TENM4: variants seen among roughly 807,000 people sequenced by gnomAD.
The protein encoded by TENM4 is teneurin transmembrane protein 4.
Under a neutral mutation model 243.3 loss-of-function variants are expected in TENM4, and 82 were observed. The ratio of observed to expected loss-of-function variants is 0.34; its 90% CI spans 0.28 to 0.40. TENM4 has a LOEUF of 0.40. TENM4 is among the 10% of genes least tolerant of loss of function. TENM4 has a pLI of 1.00. For missense variants in TENM4, 3,138 were observed against 3,673.3 expected (o/e 0.85, Z 3.77); for synonymous variants, 1,412 against 1,456.3 (o/e 0.97, Z 0.69).
At chr11:79,427,246 T>G (rs539467736) in intron 1 of TENM4, among the ~76,000 whole-genome samples, 4 of 152,216 alleles carry the variant, frequency 2.6e-5, no homozygotes, top group South Asian at 4.1e-4. Flanking sequence ...TTTAAAAAGC[T>G]GCATTATCTT....
At chr11:78,786,577 T>A (rs935030595) in intron 16 of TENM4, among the ~76,000 whole-genome samples, 1 of 152,368 alleles carries the variant, frequency 6.6e-6, no homozygotes. Context: ...GAAGTGCTCA[T>A]CTGCCTCATT....
At chr11:78,960,412 TG>T (rs1241220820) in intron 6 of TENM4, among the ~76,000 whole-genome samples, 2 of 152,280 alleles carry the variant, frequency 1.3e-5, no homozygotes, top group Middle Eastern at 3.4e-3. Context: ...GGGTAGGTAA[TG>T]ACCGCCCTTC....
At chr11:79,203,127 A>G (rs778057070) in intron 3 of TENM4, among the ~76,000 whole-genome samples, 8 of 152,228 alleles carry the variant, frequency 5.3e-5, no homozygotes, top group Non-Finnish European at 7.3e-5. Context: ...ATATAATAAC[A>G]AATATTGATG....
intron 1 of TENM4, among the ~76,000 whole-genome samples, chr11:79,309,735 T>C (rs564426664): frequency 2.6e-5 from 4 of 152,282 alleles, no homozygotes; most frequent in Middle Eastern, 3.4e-3. Context: ...ATTTGGAGGA[T>C]AGAGAAACAG....
chr11:79,245,563 G>A (rs1036727229), intron 2 of TENM4, among the ~76,000 whole-genome samples: 1 of 152,114 alleles, frequency 6.6e-6, no homozygotes, highest in African/African-American at 2.4e-5. Flanking sequence ...CAACATTGTG[G>A]CATTTTGAAA....
intron 6 of TENM4, among the ~76,000 whole-genome samples, chr11:79,046,314 G>A (rs1321556992): frequency 1.3e-5 from 2 of 152,136 alleles, no homozygotes; most frequent in African/African-American, 4.8e-5. Flanking sequence ...GGTTTCTTCT[G>A]TTACAGTTCA....
intron 6 of TENM4, among the ~76,000 whole-genome samples, chr11:78,905,063 G>A (rs1856033240): frequency 1.3e-5 from 2 of 152,172 alleles, no homozygotes; most frequent in South Asian, 4.1e-4. Flanking sequence ...TAAAATAGGG[G>A]AAATAGTTTA....
chr11:79,072,677 A>C (rs1860445557), intron 4 of TENM4, among the ~76,000 whole-genome samples: 1 of 152,174 alleles, frequency 6.6e-6, no homozygotes, highest in Non-Finnish European at 1.5e-5. Flanking sequence ...ATAACTCTAA[A>C]TTGATATCAC....
chr11:79,241,061 T>C (rs1864578986), intron 2 of TENM4, among the ~76,000 whole-genome samples: 1 of 152,140 alleles, frequency 6.6e-6, no homozygotes, highest in Non-Finnish European at 1.5e-5. Flanking sequence ...AGTTTTAAAA[T>C]GCTGGCCCCA....
intron 1 of TENM4, among the ~76,000 whole-genome samples, chr11:79,408,486 C>G (rs1858620276): frequency 6.6e-6 from 1 of 152,172 alleles, no homozygotes; most frequent in African/African-American, 2.4e-5. Context: ...GAGAATATCA[C>G]TATTGAATAA....
chr11:78,967,610 T>C (rs1172713868), intron 6 of TENM4, among the ~76,000 whole-genome samples: 1 of 152,146 alleles, frequency 6.6e-6, no homozygotes, highest in African/African-American at 2.4e-5. Flanking sequence ...AGCCTGCTTT[T>C]TGGGTGGGGC....
At chr11:78,859,215 T>C (rs1858755813) in intron 10 of TENM4, among the ~76,000 whole-genome samples, 1 of 152,042 alleles carries the variant, frequency 6.6e-6, no homozygotes, top group African/African-American at 2.4e-5. Flanking sequence ...AAAAAGATCA[T>C]TTGTATGAAT....
intron 2 of TENM4, among the ~76,000 whole-genome samples, chr11:79,246,694 A>T (rs932189338): frequency 6.6e-6 from 1 of 152,206 alleles, no homozygotes; most frequent in African/African-American, 2.4e-5. Context: ...ATTTGTATGA[A>T]AAATGAAAAC....
At position 78,777,657 on chromosome 11, in the gene TENM4, A is replaced by G. The variant is rs573496456; in HGVS notation, c.2392+945T>C. Among the ~76,000 whole-genome samples the G allele has an allele frequency of 5.3e-5, 8 of 152,312 alleles. No individual in the cohort carries two copies. The East Asian group carries it at 1.4e-3, about 26-fold the overall frequency. ...TCCTGTTAGCAAGAGAAGAGAAGTTAAATCACTTGCCCAAGGTCACTTAGT... is the reference window on the plus strand; with the variant it reads ...TCCTGTTAGCAAGAGAAGAGAAGTTGAATCACTTGCCCAAGGTCACTTAGT... On this transcript the variant is annotated intron_variant, in intron 17 of 33. Coordinates refer to ENST00000278550, the MANE Select transcript of TENM4 (RefSeq NM_001098816.3).
chr11:79,024,406 T>C (rs944045935), intron 6 of TENM4, among the ~76,000 whole-genome samples: 11 of 152,286 alleles, frequency 7.2e-5, no homozygotes, highest in Middle Eastern at 3.4e-3. Context: ...GCAGCATGGG[T>C]TGTTTATGTA....
At chr11:79,170,352 A>G (rs1352287259) in intron 3 of TENM4, among the ~76,000 whole-genome samples, 1 of 152,188 alleles carries the variant, frequency 6.6e-6, no homozygotes, top group Non-Finnish European at 1.5e-5. Context: ...GAACAATAAC[A>G]GAGACTTTCC....
chr11:78,958,198 C>T (rs1477058201), intron 6 of TENM4, among the ~76,000 whole-genome samples: 1 of 152,200 alleles, frequency 6.6e-6, no homozygotes, highest in Non-Finnish European at 1.5e-5. Flanking sequence ...TCAATTCTCC[C>T]ACCCACCCAC....
chr11:78,796,754 G>A (rs1450123129), intron 15 of TENM4, among the ~76,000 whole-genome samples: 2 of 152,074 alleles, frequency 1.3e-5, no homozygotes, highest in African/African-American at 4.8e-5. Context: ...TAAAAGCTAA[G>A]CCACTTCAAG....
chr11:78,812,000 T>C, intron 14 of TENM4, 122 bp downstream of exon 14: 1 of 1,251,582 alleles, frequency 8.0e-7, no homozygotes, highest in Non-Finnish European at 1.1e-6. Context: ...GCTCCTGGCT[T>C]GGGGAGGTGG....
Sources: gnomAD v4.1 joint callset for allele counts (sites outside exome capture counted in the v4.1 genomes callset) on GRCh38, gnomAD v4.1.1 for gene constraint, MANE v1.5 for transcripts, NCBI Gene and HGNC (gene_info 2026-07-23, HGNC 2026-07-21) for gene names.